The following F8 variants were observed in gnomAD, a reference collection of about 807,000 sequenced individuals.
F8 encodes the protein coagulation factor VIII, also known as antihemophilic factor.
In F8, 12 loss-of-function variants were observed where a neutral mutation model predicts 140.6. That is an observed-to-expected ratio of 0.09 (90% CI 0.05 to 0.14). F8 has a LOEUF of 0.14. Among genes scored for constraint, F8 ranks in the 10% least tolerant of loss-of-function variants. F8 has a pLI of 1.00. For missense variants in F8, 1,354 were observed against 1,720.7 expected, an observed-to-expected ratio of 0.79 and a Z score of 3.77; for synonymous variants, 585 against 614.6, an observed-to-expected ratio of 0.95 and a Z score of 0.71.
intron 12 of F8, among the ~76,000 whole-genome samples, chrX:154,950,268 A>G (rs1557280639): frequency 8.9e-6 from 1 of 112,222 alleles, no homozygotes; most frequent in Non-Finnish European, 1.9e-5. Context: ...GGATTTCCTG[A>G]GTCAATAGGG....
intron 22 of F8, among the ~76,000 whole-genome samples, chrX:154,875,677 G>C (rs1350528867): frequency 9.0e-6 from 1 of 110,656 alleles, no homozygotes; most frequent in Admixed American, 9.7e-5. Context: ...CTGTGAAAGA[G>C]TACTGGGAAT....
intron 3 of F8, 82 bp from the exon 4 acceptor site, chrX:154,993,230 G>T: frequency 1.2e-6 from 1 of 814,421 alleles, no homozygotes; most frequent in Non-Finnish European, 1.8e-6. Context: ...GTCACCAATA[G>T]GTTCTACATA....
At chrX:155,012,076 T>C (rs782362512) in intron 1 of F8, among the ~76,000 whole-genome samples, 9 of 112,252 alleles carry the variant, frequency 8.0e-5, no homozygotes, top group South Asian at 3.7e-4. Context: ...ATAAAGATGA[T>C]AGTTGTACAC....
At chrX:154,992,858 G>A in intron 4 of F8, 78 bp downstream of exon 4, 1 of 964,755 alleles carries the variant, frequency 1.0e-6, no homozygotes, top group South Asian at 2.0e-5. Flanking sequence ...GAACACAAAT[G>A]CTAACTGTTA....
At chrX:154,868,726 A>AC (rs782438292) in intron 22 of F8, among the ~76,000 whole-genome samples, 5 of 111,664 alleles carry the variant, frequency 4.5e-5, no homozygotes, top group Admixed American at 9.5e-5. Context: ...TGGGCTAAAT[A>AC]CCCCAATTAA....
intron 25 of F8, among the ~76,000 whole-genome samples, chrX:154,840,837 GTA>G (rs1360076341): frequency 2.7e-5 from 3 of 112,069 alleles, no homozygotes; most frequent in Non-Finnish European, 3.8e-5. Context: ...TTTGGAAGTG[GTA>G]TATATGTCAT....
At chrX:154,860,029 A>G (rs911842521) in intron 25 of F8, among the ~76,000 whole-genome samples, 22 of 111,647 alleles carry the variant, frequency 2.0e-4, no homozygotes, top group African/African-American at 4.2e-4. Context: ...TATAAAAAAT[A>G]CCAAAGAGAG....
chrX:154,965,902 AT>A (rs1178814506), intron 9 of F8, 67 bp downstream of exon 9: 6 of 1,061,524 alleles, frequency 5.7e-6, no homozygotes, highest in Non-Finnish European at 7.9e-6. Context: ...ATTATGAGGT[AT>A]TTTAGAAACT....
chrX:154,970,667 T>C (rs2073452385), intron 6 of F8, among the ~76,000 whole-genome samples: 2 of 111,598 alleles, frequency 1.8e-5, no homozygotes, highest in Admixed American at 9.6e-5. Flanking sequence ...AAGGCCCCAA[T>C]AGGTTTGATT....
At chrX:154,996,287 C>T (rs1557285085) in intron 3 of F8, among the ~76,000 whole-genome samples, 1 of 111,751 alleles carries the variant, frequency 8.9e-6, no homozygotes, top group African/African-American at 3.3e-5. Flanking sequence ...ATTGTCCTGC[C>T]TTTGCACCAT....
Position 154,929,572 on chromosome X carries a change from T to C in F8, c.4218A>G (p.Pro1406=). Residue 1406 remains proline, a synonymous_variant, in exon 14 of 26, where the codon CCA becomes CCG. Transcript: ENST00000360256. ...SHSIPQANRS[P]LPIAKVSSFP... is the part of the protein sequence containing the mutation. ...ATGATGATACCTTTGCAATGGGTAA[T>C]GGAGATCTATTTGCTTGAGGGATGC... is the stretch of plus-strand genomic sequence containing the variant. The C allele has an allele frequency of 2.5e-6, 3 of 1,211,057 alleles. No individual in the cohort carries two copies. The highest frequency in any genetic ancestry group is 3.4e-6 in the Non-Finnish European group (3 of 895,131).
At position 154,904,964 on chromosome X, in the gene F8, A is replaced by G. The variant is rs1557276224; in HGVS notation, c.5433T>C (p.Tyr1811=). 1 of 1,210,445 alleles carries G rather than the reference A, an allele frequency of 8.3e-7. No individual in the cohort carries two copies. The highest frequency in any genetic ancestry group is 1.1e-6 in the Non-Finnish European group (1 of 894,763). The change falls in exon 16 of 26, where the codon TAT becomes TAC. Residue 1811 remains tyrosine, a synonymous_variant. Transcript: ENST00000360256. ...CTGCTCCTTGCCTCTGATCTTCCTC[A>G]TAAGAAATAAGGCTAGAATAGAAGG... is the stretch of plus-strand genomic sequence containing the variant. ...PYSFYSSLIS[Y]EEDQRQGAEP...
intron 12 of F8, among the ~76,000 whole-genome samples, chrX:154,950,416 T>C (rs2073331455): frequency 8.9e-6 from 1 of 111,807 alleles, no homozygotes; most frequent in South Asian, 3.7e-4. Flanking sequence ...TCATTGGTGG[T>C]TTTGTTTTTT....
At chrX:154,899,627 T>C (rs2072999575) in intron 21 of F8, among the ~76,000 whole-genome samples, 1 of 111,687 alleles carries the variant, frequency 9.0e-6, no homozygotes, top group African/African-American at 3.3e-5. Flanking sequence ...TTCAATATTA[T>C]AGAAAATATT....
In F8 at chrX:154,902,057, T is replaced by C. The variant is rs1557275982; in HGVS notation, c.6109A>G (p.Ser2037Gly). Residue 2037 changes from serine to glycine, a missense_variant, in exon 19 of 26, where the codon AGC (serine) becomes GGC (glycine). Physicochemically the swap from Ser to Gly is moderately conservative, Grantham distance 56. Coordinates refer to ENST00000360256, the MANE Select transcript of F8 (RefSeq NM_000132.4). ...AGMSTLFLVY[S>G]NKCQTPLGMA... The stretch of plus-strand genomic sequence containing the variant: ...TGCCCACATTGCTACTCACTATTGC[T>C]GTACACCAGAAAAAGTGTGCTCATC... 1.7e-6 allele frequency: 2 copies of C among 1,194,588 alleles called. No individual in the cohort carries two copies. The highest frequency in any genetic ancestry group is 1.8e-5 in the South Asian group (1 of 56,588).
intron 22 of F8, among the ~76,000 whole-genome samples, chrX:154,878,428 CAAAAAAAAAAAAAA>C (rs57418004): frequency 3.7e-5 from 1 of 26,738 alleles, no homozygotes; most frequent in Non-Finnish European, 6.8e-5. Context: ...TTTTCATGAC[CAAAAAAAAAAAAAA>C]AAAAAAAAAC....
chrX:154,850,898 A>G (rs2072610898), intron 25 of F8, among the ~76,000 whole-genome samples: 3 of 112,197 alleles, frequency 2.7e-5, no homozygotes, highest in Non-Finnish European at 5.6e-5. Flanking sequence ...CTATTGCAAA[A>G]TTCGCAAACA....
chrX:154,904,723 G>T, intron 16 of F8, 88 bp downstream of exon 16: 1 of 848,360 alleles, frequency 1.2e-6, no homozygotes, highest in Non-Finnish European at 1.8e-6. Flanking sequence ...GCTTCTTATT[G>T]CACGTAGGAT....
chrX:154,954,105 G>A, intron 11 of F8, 63 bp from the exon 12 acceptor site: 1 of 1,096,238 alleles, frequency 9.1e-7, no homozygotes, highest in Non-Finnish European at 1.3e-6. Context: ...GTAGGAGCTA[G>A]CAGTCTATGA....
Sources: gnomAD v4.1 joint callset for allele counts (sites outside exome capture counted in the v4.1 genomes callset) on GRCh38, gnomAD v4.1.1 for gene constraint, MANE v1.5 for transcripts, NCBI Gene and HGNC (gene_info 2026-07-23, HGNC 2026-07-21) for gene names.